GRID2: variants seen among roughly 807,000 people sequenced by gnomAD.
GRID2 encodes the protein glutamate receptor ionotropic, delta-2.
In GRID2, 33 loss-of-function variants were observed where a neutral mutation model predicts 114.8. That is an observed-to-expected ratio of 0.29 (90% CI 0.22 to 0.38). The LOEUF (loss-of-function observed/expected upper bound fraction) is 0.38. Among genes scored for constraint, GRID2 ranks in the 10% least tolerant of loss-of-function variants. The probability of loss-of-function intolerance (pLI) is 1.00; values close to 1 mark genes in which losing one functional copy is unlikely to be tolerated. For synonymous variants in GRID2, 505 were observed against 449.9 expected, an observed-to-expected ratio of 1.12 and a Z score of -1.55; for missense variants, 1,184 against 1,257.7, an observed-to-expected ratio of 0.94 and a Z score of 0.89.
chr4:92,972,831 C>A (rs1280027272), intron 2 of GRID2, among the ~76,000 whole-genome samples: 1 of 152,016 alleles, frequency 6.6e-6, no homozygotes, highest in African/African-American at 2.4e-5. Context: ...TCATTTAGCC[C>A]CCACTTATAA....
chr4:93,590,110 A>C (rs1172414803), intron 13 of GRID2, among the ~76,000 whole-genome samples: 1 of 149,966 alleles, frequency 6.7e-6, no homozygotes, highest in Non-Finnish European at 1.5e-5. Flanking sequence ...TTGGTGTTTT[A>C]GACATGAAGT....
At chr4:93,381,287 G>A (rs931715015) in intron 8 of GRID2, among the ~76,000 whole-genome samples, 6 of 151,878 alleles carry the variant, frequency 4.0e-5, no homozygotes, top group African/African-American at 1.5e-4. Context: ...CTATGATTTT[G>A]ACCATTTCAA....
chr4:92,533,482 T>C (rs184144839), intron 1 of GRID2, among the ~76,000 whole-genome samples: 85 of 147,226 alleles, frequency 5.8e-4, no homozygotes, highest in East Asian at 8.1e-4. Flanking sequence ...CATACATACA[T>C]ACACACACAG....
At position 93,216,839 on chromosome 4, in the gene GRID2, G is replaced by T. The variant is rs1361308965; in HGVS notation, c.891G>T (p.Arg297=). ...CAGTTCCCCAGAACATAAGTCAGCG[G>T]TGTTTCCGTGGCAACCATCGAATAT... ...TFPVPQNISQ[R]CFRGNHRISS... Residue 297 remains arginine, a synonymous_variant, in exon 6 of 16, where the codon CGG becomes CGT. Transcript: ENST00000282020. 6.2e-7 allele frequency: 1 copy of T among 1,613,118 alleles called. No homozygotes were observed.
intron 5 of GRID2, among the ~76,000 whole-genome samples, chr4:93,214,413 T>C (rs984706243): frequency 3.9e-5 from 6 of 152,060 alleles, no homozygotes; most frequent in African/African-American, 1.4e-4. Flanking sequence ...ACTCTCGAAA[T>C]GCCCCTTTTG....
chr4:92,411,655 G>GTGTGTGTA, intron 1 of GRID2, among the ~76,000 whole-genome samples: 2 of 84,688 alleles, frequency 2.4e-5, no homozygotes, highest in African/African-American at 5.8e-5. Flanking sequence ...GTGTGTGTGT[G>GTGTGTGTA]TATATATATA....
chr4:93,130,282 G>A (rs932588034), intron 4 of GRID2, among the ~76,000 whole-genome samples: 33 of 152,138 alleles, frequency 2.2e-4, no homozygotes, highest in Middle Eastern at 3.4e-3. Context: ...TCCAAAAAAA[G>A]TTTTAAAAAT....
At chr4:92,676,643 A>T (rs928094250) in intron 2 of GRID2, among the ~76,000 whole-genome samples, 1 of 152,072 alleles carries the variant, frequency 6.6e-6, no homozygotes. Context: ...TAAGATCCCC[A>T]TATTCCCTAC....
intron 2 of GRID2, among the ~76,000 whole-genome samples, chr4:92,694,334 C>T (rs1213621904): frequency 6.6e-6 from 1 of 152,132 alleles, no homozygotes; most frequent in African/African-American, 2.4e-5. Context: ...GAGCCTGCTC[C>T]CTACCAAGCT....
In GRID2 at chr4:93,740,635, G is replaced by A. The variant is rs540466848; in HGVS notation, c.2361-28575G>A. 3.9e-5 allele frequency among the ~76,000 whole-genome samples: 6 copies of A among 152,132 alleles called. No homozygotes were observed. The South Asian group carries it at 6.2e-4, about 16-fold the overall frequency. ...ATAGATACATATGTGCGTTACTTAC[G>A]TTCCTGTCAGTCAACTGGTTGTCTC... On this transcript the variant is annotated intron_variant, in intron 14 of 15. Coordinates refer to ENST00000282020, the MANE Select transcript of GRID2 (RefSeq NM_001510.4).
At chr4:93,197,582 A>G (rs933779163) in intron 4 of GRID2, among the ~76,000 whole-genome samples, 2 of 152,190 alleles carry the variant, frequency 1.3e-5, no homozygotes, top group Non-Finnish European at 2.9e-5. Flanking sequence ...AATGTTGTCA[A>G]ACATGACCAT....
At chr4:92,381,469 T>C (rs1729614756) in intron 1 of GRID2, among the ~76,000 whole-genome samples, 1 of 151,818 alleles carries the variant, frequency 6.6e-6, no homozygotes. Flanking sequence ...ACTGAGTGAT[T>C]ATTTGTATGT....
intron 2 of GRID2, among the ~76,000 whole-genome samples, chr4:93,067,584 T>C (rs1427134431): frequency 1.3e-5 from 2 of 152,062 alleles, no homozygotes; most frequent in Non-Finnish European, 2.9e-5. Context: ...AGAGAGATTT[T>C]ATTATACGAA....
chr4:92,600,086 A>ATG (rs1729154108), intron 2 of GRID2, among the ~76,000 whole-genome samples: 1 of 123,706 alleles, frequency 8.1e-6, no homozygotes, highest in Non-Finnish European at 1.7e-5. Context: ...ATATATATAT[A>ATG]TATTTCTCAG....
At chr4:93,118,463 G>GA (rs1733483455) in intron 4 of GRID2, among the ~76,000 whole-genome samples, 1 of 152,062 alleles carries the variant, frequency 6.6e-6, no homozygotes, top group African/African-American at 2.4e-5. Context: ...TTTCAGATTT[G>GA]AAAAATATAA....
intron 12 of GRID2, among the ~76,000 whole-genome samples, chr4:93,493,549 C>A (rs201539958): frequency 6.8e-6 from 1 of 148,036 alleles, no homozygotes; most frequent in Non-Finnish European, 1.5e-5. Context: ...TTTTTTTTTT[C>A]TTTTTTTTAA....
At chr4:93,531,121 A>G (rs930744568) in intron 13 of GRID2, among the ~76,000 whole-genome samples, 1 of 152,128 alleles carries the variant, frequency 6.6e-6, no homozygotes, top group Admixed American at 6.6e-5. Flanking sequence ...GATCAGTTGT[A>G]TGTATTTGTT....
intron 14 of GRID2, among the ~76,000 whole-genome samples, chr4:93,680,316 C>A (rs1462633167): frequency 1.3e-5 from 2 of 151,544 alleles, no homozygotes; most frequent in African/African-American, 4.9e-5. Flanking sequence ...AGTCCAGGAC[C>A]AGATGGATTC....
At position 92,718,539 on chromosome 4, in the gene GRID2, C is replaced by T. The variant is rs10028382; in HGVS notation, c.244+128253C>T. 1.5e-3 allele frequency among the ~76,000 whole-genome samples: 222 copies of T among 151,854 alleles called. 1 individual carries two copies. Among genetic ancestry groups the T allele is most frequent in the African/African-American group, 5.2e-3 (214 of 41,444 alleles). On this transcript the variant is annotated intron_variant, in intron 2 of 15. Transcript: ENST00000282020. ...CCCAATTTGGGAGGCTGAGGCAGGA[C>T]GATTATTTGAGGCCAGGAGCTCAAG...
Sources: allele counts gnomAD v4.1 joint callset (sites outside exome capture counted in the v4.1 genomes callset), GRCh38; gene constraint gnomAD v4.1.1; transcripts MANE v1.5; gene names NCBI Gene and HGNC (gene_info 2026-07-23, HGNC 2026-07-21).